Variants in GRHPR observed in about 807,000 individuals in gnomAD.
GRHPR encodes glyoxylate reductase/hydroxypyruvate reductase.
A neutral mutation model predicts 36.8 loss-of-function variants in GRHPR; 35 were observed. The ratio of observed to expected loss-of-function variants is 0.95; its 90% confidence interval spans 0.73 to 1.26. The LOEUF is 1.26. Ranked by LOEUF, GRHPR falls within the 50% of genes most tolerant of loss-of-function variation. The probability of loss-of-function intolerance (pLI) is 0.00; values close to 1 mark genes in which losing one functional copy is unlikely to be tolerated. For synonymous variants in GRHPR, 179 were observed against 181.0 expected (o/e 0.99, Z 0.09); for missense variants, 380 against 435.0 (o/e 0.87, Z 1.12).
chr9:37,425,460 G>C (rs760864035), intron 2 of GRHPR, among the ~76,000 whole-genome samples: 1 of 152,264 alleles, frequency 6.6e-6, no homozygotes, highest in Non-Finnish European at 1.5e-5. Context: ...GAGGCTGCCA[G>C]ATGGGAAGGG....
At chr9:37,428,428 G>A (rs959696480) in intron 4 of GRHPR, 56 bp from the exon 5 acceptor site, 17 of 1,130,564 alleles carry the variant, frequency 1.5e-5, no homozygotes, top group African/African-American at 7.6e-5. Context: ...GGTTCTCAGC[G>A]GCCCCCATCT....
At chr9:37,436,586 G>A in intron 8 of GRHPR, 75 bp from the exon 9 acceptor site, 1 of 1,544,230 alleles carries the variant, frequency 6.5e-7, no homozygotes, top group East Asian at 2.2e-5. Context: ...GCAAACCCAA[G>A]CCATGAAAAC....
chr9:37,434,092 TC>T, intron 8 of GRHPR: 2 of 281,884 alleles, frequency 7.1e-6, no homozygotes, highest in East Asian at 1.1e-4. Context: ...AAAAGGCAGG[TC>T]TTGGTCTGAG....
At chr9:37,425,101 GC>G in intron 2 of GRHPR, 126 bp downstream of exon 2, 1 of 934,270 alleles carries the variant, frequency 1.1e-6, no homozygotes, top group East Asian at 2.5e-5. Flanking sequence ...GCGATACCAG[GC>G]CCGAGCGGGC....
intron 4 of GRHPR, 30 bp downstream of exon 4, chr9:37,426,684 T>C (rs1226030171): frequency 7.7e-7 from 1 of 1,299,508 alleles, no homozygotes; most frequent in Non-Finnish European, 1.1e-6. Flanking sequence ...GTGCGGTGGC[T>C]CACGGCTGTA....
At position 37,426,529 on chromosome 9, in the gene GRHPR, G is replaced by C. The variant is rs2118865079; in HGVS notation, c.288-9G>C. 6.4e-7 allele frequency: 1 copy of C among 1,557,880 alleles called. No individual in the cohort carries two copies. ...AGGCTGATGTTACCACCAGATGTCT[G>C]ATTCGTAGTGGGATCCGAGTTGGCT... On this transcript the variant is annotated splice_polypyrimidine_tract_variant and intron_variant, in intron 3 of 8. Transcript: ENST00000318158.
intron 8 of GRHPR, 48 bp downstream of exon 8, chr9:37,432,186 C>T (rs907093149): frequency 6.2e-7 from 1 of 1,600,108 alleles, no homozygotes; most frequent in Admixed American, 1.7e-5. Flanking sequence ...CCTGCAGGAC[C>T]AGTGTTTTTG....
rs761485918 is a variant in GRHPR at position 37,426,623 on chromosome 9, C to T, written c.373C>T (p.Arg125Trp). The change falls in exon 4 of 9, where the codon CGG becomes TGG. Residue 125 changes from arginine to tryptophan, a missense_variant. Arg to Trp is a moderately radical substitution (Grantham distance 101). Transcript: ENST00000318158. ...CTCCCTGCTACTTACCACCTGCCGC[C>T]GGTTGCCGGAGGCCATCGAGGAAGT... ...AVSLLLTTCR[R>W]LPEAIEEVKN... 5.0e-6 allele frequency: 8 copies of T among 1,612,880 alleles called. No individual in the cohort carries two copies. The highest frequency in any genetic ancestry group is 3.3e-5 in the South Asian group (3 of 91,060).
In GRHPR at chr9:37,431,993, C is replaced by CA; in HGVS notation, c.735-14dup. The CA allele has an allele frequency of 6.2e-7, 1 of 1,613,880 alleles. No homozygotes were observed. The highest frequency in any genetic ancestry group is 8.5e-7 in the Non-Finnish European group (1 of 1,179,796). Reference sequence around the variant, plus strand: ...GGGATCTTCGGGGTACCCATGTCACCACTGTCATTCCCAGGGGCGACGTCG... The same window carrying CA: ...GGGATCTTCGGGGTACCCATGTCACCAACTGTCATTCCCAGGGGCGACGTCG... On this transcript the variant is annotated splice_polypyrimidine_tract_variant and intron_variant, in intron 7 of 8. Transcript: ENST00000318158.
chr9:37,432,377 T>C (rs928592639), intron 8 of GRHPR: 1 of 458,220 alleles, frequency 2.2e-6, no homozygotes, highest in African/African-American at 2.0e-5. Context: ...TGTGAGTGGA[T>C]TTGTTTAAAA....
At chr9:37,430,790 A>T in intron 7 of GRHPR, 144 bp downstream of exon 7, 1 of 772,154 alleles carries the variant, frequency 1.3e-6, no homozygotes, top group Non-Finnish European at 2.3e-6. Flanking sequence ...CAACTCAGAA[A>T]TTCGTGGGAA....
chr9:37,431,274 G>C (rs1823354379), intron 7 of GRHPR: 6 of 335,832 alleles, frequency 1.8e-5, no homozygotes, highest in South Asian at 1.4e-4. Flanking sequence ...CACCCCAAAG[G>C]TACCTGTAAT....
At chr9:37,433,492 C>T (rs983575059) in intron 8 of GRHPR, among the ~76,000 whole-genome samples, 14 of 152,108 alleles carry the variant, frequency 9.2e-5, no homozygotes, top group African/African-American at 3.4e-4. Flanking sequence ...CCTCTGCCTC[C>T]CAAAGTGCTG....
At chr9:37,427,286 C>T (rs914695349) in intron 4 of GRHPR, among the ~76,000 whole-genome samples, 7 of 152,142 alleles carry the variant, frequency 4.6e-5, no homozygotes, top group Non-Finnish European at 8.8e-5. Flanking sequence ...CCTTAGATCC[C>T]AAAATCTAAA....
At chr9:37,430,471 C>G (rs746252886) in intron 6 of GRHPR, 40 bp from the exon 7 acceptor site, 1 of 1,595,184 alleles carries the variant, frequency 6.3e-7, no homozygotes, top group South Asian at 1.1e-5. Context: ...TTGTCCCTAG[C>G]CTGGGACTCA....
At chr9:37,433,036 G>T (rs887582349) in intron 8 of GRHPR, among the ~76,000 whole-genome samples, 6 of 152,174 alleles carry the variant, frequency 3.9e-5, no homozygotes, top group African/African-American at 1.4e-4. Flanking sequence ...AGCAGCACCA[G>T]TTCCTTCCCA....
At chr9:37,430,393 C>T in intron 6 of GRHPR, 118 bp from the exon 7 acceptor site, 1 of 867,392 alleles carries the variant, frequency 1.2e-6, no homozygotes, top group South Asian at 1.3e-5. Flanking sequence ...GAGACTCGGC[C>T]TTCAGGAAGC....
In GRHPR at chr9:37,431,779, C is replaced by T. The variant is rs529358999; in HGVS notation, c.735-229C>T. ...AATTTGAGACACAGATAATTCGAGG[C>T]ACAGAGAATTTGAGACACTTGCCCA... On this transcript the variant is annotated intron_variant, in intron 7 of 8. Coordinates refer to ENST00000318158, the MANE Select transcript of GRHPR (RefSeq NM_012203.2). The T allele has an allele frequency of 2.3e-4, 116 of 502,364 alleles. 1 individual carries two copies. The South Asian group carries it at 2.4e-3, about 11-fold the overall frequency. 31.1% of individuals were successfully genotyped at this position (502,364 alleles called of 1,614,324 possible).
In GRHPR at chr9:37,428,495, C is replaced by T; in HGVS notation, c.416C>T (p.Thr139Ile). Residue 139 changes from threonine to isoleucine, a missense_variant, in exon 5 of 9, where the codon ACC becomes ATC. Coordinates refer to ENST00000318158, the MANE Select transcript of GRHPR (RefSeq NM_012203.2). ...AIEEVKNGGW[T>I]SWKPLWLCGY... is the part of the protein sequence containing the mutation. ...CTCTCTCCCCTCAGTGGTGGCTGGACCTCGTGGAAGCCCCTCTGGCTGTGT... is the reference window on the plus strand; with the variant it reads ...CTCTCTCCCCTCAGTGGTGGCTGGATCTCGTGGAAGCCCCTCTGGCTGTGT... 6.2e-7 allele frequency: 1 copy of T among 1,610,414 alleles called. No individual in the cohort carries two copies. The highest frequency in any genetic ancestry group is 8.5e-7 in the Non-Finnish European group (1 of 1,177,276).
Sources: gnomAD v4.1 joint callset for allele counts (sites outside exome capture counted in the v4.1 genomes callset) on GRCh38, gnomAD v4.1.1 for gene constraint, MANE v1.5 for transcripts, NCBI Gene and HGNC (gene_info 2026-07-23, HGNC 2026-07-21) for gene names.